CNIH3: variants seen among roughly 807,000 people sequenced by gnomAD.
CNIH3 encodes cornichon family AMPA receptor auxiliary protein 3.
Under a neutral mutation model 24.1 loss-of-function variants are expected in CNIH3, and 14 were observed. The observed-to-expected ratio is 0.58, with a 90% confidence interval of 0.38 to 0.91. The LOEUF (loss-of-function observed/expected upper bound fraction) is 0.91. CNIH3 is among the 40% of genes least tolerant of loss of function. CNIH3 has a pLI of 0.00. For missense variants in CNIH3, 178 were observed against 196.8 expected (o/e 0.90, Z 0.57); for synonymous variants, 68 against 73.8 (o/e 0.92, Z 0.40).
upstream of CNIH3, among the ~76,000 whole-genome samples, chr1:224,514,260 AG>A (rs1262044548): frequency 4.6e-5 from 7 of 152,172 alleles, no homozygotes; most frequent in Non-Finnish European, 8.8e-5. Context: ...GTTTGCTATA[AG>A]GGCCTTACGA....
At chr1:224,573,122 C>G (rs775380665) in intron 4 of CNIH3, among the ~76,000 whole-genome samples, 22 of 152,070 alleles carry the variant, frequency 1.4e-4, no homozygotes, top group Admixed American at 5.9e-4. Context: ...TTCCCAGCAT[C>G]GTTTTGTATT....
intron 1 of CNIH3, among the ~76,000 whole-genome samples, chr1:224,479,071 T>C (rs1676697454): frequency 6.8e-6 from 1 of 146,274 alleles, no homozygotes; most frequent in Non-Finnish European, 1.5e-5. Context: ...TATCATTCCC[T>C]CCCTGGCCCC....
At chr1:224,453,475 A>G (rs1032146156) in intron 1 of CNIH3, among the ~76,000 whole-genome samples, 1 of 151,774 alleles carries the variant, frequency 6.6e-6, no homozygotes, top group Non-Finnish European at 1.5e-5. Context: ...GACGTGAGCC[A>G]CTCTACCTGG....
At chr1:224,714,620 A>G (rs1286031204) in intron 3 of CNIH3, among the ~76,000 whole-genome samples, 1 of 152,232 alleles carries the variant, frequency 6.6e-6, no homozygotes, top group African/African-American at 2.4e-5. Context: ...TGCCAGGCCC[A>G]GGGCTCTGGT....
chr1:224,722,520 A>C (rs1223813908), intron 3 of CNIH3, among the ~76,000 whole-genome samples: 1 of 152,114 alleles, frequency 6.6e-6, no homozygotes, highest in Non-Finnish European at 1.5e-5. Flanking sequence ...TGGGGCCAAA[A>C]TTCTGCATTT....
intron 1 of CNIH3, among the ~76,000 whole-genome samples, chr1:224,474,789 A>G (rs1676504508): frequency 6.6e-6 from 1 of 152,074 alleles, no homozygotes; most frequent in Non-Finnish European, 1.5e-5. Context: ...GCACTTTGGG[A>G]GGCCAAGGCG....
At chr1:224,548,142 G>A (rs546120357) in intron 3 of CNIH3, among the ~76,000 whole-genome samples, 15 of 151,804 alleles carry the variant, frequency 9.9e-5, no homozygotes, top group African/African-American at 3.6e-4. Context: ...ATATCACAGT[G>A]GGTGCATACC....
At chr1:224,662,376 G>A (rs181592665) in intron 1 of CNIH3, among the ~76,000 whole-genome samples, 1 of 152,072 alleles carries the variant, frequency 6.6e-6, no homozygotes, top group East Asian at 1.9e-4. Context: ...AAATATATGG[G>A]TATTTTCACC....
intron 3 of CNIH3, among the ~76,000 whole-genome samples, chr1:224,552,119 A>G (rs1423914314): frequency 1.3e-5 from 2 of 151,548 alleles, no homozygotes; most frequent in African/African-American, 4.8e-5. Context: ...TAGAAGTCAT[A>G]TATCTCCCTT....
chr1:224,551,422 G>A (rs1052160118), intron 3 of CNIH3, among the ~76,000 whole-genome samples: 31 of 152,074 alleles, frequency 2.0e-4, no homozygotes, highest in African/African-American at 7.5e-4. Context: ...GTCCTTTGTA[G>A]GAACATGGAT....
At chr1:224,721,361 A>G (rs1020467528) in intron 3 of CNIH3, among the ~76,000 whole-genome samples, 3 of 152,020 alleles carry the variant, frequency 2.0e-5, no homozygotes, top group African/African-American at 4.8e-5. Context: ...ATCACTCCCT[A>G]TAGTCTGGGC....
chr1:224,536,316 A>G (rs1572432400), intron 2 of CNIH3, among the ~76,000 whole-genome samples: 1 of 119,558 alleles, frequency 8.4e-6, no homozygotes. Context: ...TTTGAGACAG[A>G]GTTGTACTCT....
intron 2 of CNIH3, 59 bp downstream of exon 2, chr1:224,681,085 G>A: frequency 4.3e-6 from 6 of 1,390,398 alleles, no homozygotes; most frequent in Non-Finnish European, 6.1e-6. Flanking sequence ...CCAGGGCCTG[G>A]GAAGGAGGGT....
At chr1:224,627,318 C>T (rs371539431) in intron 1 of CNIH3, among the ~76,000 whole-genome samples, 4 of 152,040 alleles carry the variant, frequency 2.6e-5, no homozygotes, top group South Asian at 2.1e-4. Context: ...CCTCTGCCCC[C>T]GGGTTCAAGC....
intron 3 of CNIH3, among the ~76,000 whole-genome samples, chr1:224,695,858 G>A (rs1197090784): frequency 6.6e-6 from 1 of 152,180 alleles, no homozygotes; most frequent in Non-Finnish European, 1.5e-5. Flanking sequence ...TAAAGATTTA[G>A]GGACTCTTGG....
chr1:224,496,881 C>A (rs1230904662), intron 1 of CNIH3, among the ~76,000 whole-genome samples: 4 of 152,092 alleles, frequency 2.6e-5, no homozygotes, highest in African/African-American at 9.7e-5. Context: ...TAGGAATTCC[C>A]AAGGTAATTG....
chr1:224,484,155 GA>G (rs1220970108), intron 1 of CNIH3, among the ~76,000 whole-genome samples: 1 of 134,504 alleles, frequency 7.4e-6, no homozygotes, highest in Non-Finnish European at 1.6e-5. Context: ...TGGGCAACAA[GA>G]GCAAAACTCT....
chr1:224,652,310 G>C (rs985553469), intron 1 of CNIH3, among the ~76,000 whole-genome samples: 3 of 152,086 alleles, frequency 2.0e-5, no homozygotes, highest in Non-Finnish European at 2.9e-5. Context: ...GACATAAGGT[G>C]GGGGAGTATA....
chr1:224,734,769 G>A, intron 5 of CNIH3, 63 bp downstream of exon 5: 1 of 1,588,792 alleles, frequency 6.3e-7, no homozygotes. Flanking sequence ...ATTTCAGGCT[G>A]GCCTCTGGGA....
Sources: allele counts gnomAD v4.1 joint callset (sites outside exome capture counted in the v4.1 genomes callset), GRCh38; gene constraint gnomAD v4.1.1; transcripts MANE v1.5; gene names NCBI Gene and HGNC (gene_info 2026-07-23, HGNC 2026-07-21).